Variants in TXLNB observed in about 807,000 individuals in gnomAD.
TXLNB encodes the protein beta-taxilin.
A neutral mutation model predicts 57.4 loss-of-function variants in TXLNB; 37 were observed. That is an observed-to-expected ratio of 0.64 (90% CI 0.50 to 0.85). The LOEUF (loss-of-function observed/expected upper bound fraction) is 0.85. TXLNB is among the 40% of genes least tolerant of loss of function. The pLI is 0.00. For missense variants in TXLNB, 848 were observed against 825.6 expected (o/e 1.03, Z -0.33); for synonymous variants, 302 against 309.6 (o/e 0.98, Z 0.26).
chr6:139,255,117 C>T (rs943512134), intron 7 of TXLNB, among the ~76,000 whole-genome samples: 2 of 152,194 alleles, frequency 1.3e-5, no homozygotes, highest in African/African-American at 4.8e-5. Flanking sequence ...CCACTGCGCC[C>T]GGCCTCATTT....
chr6:139,188,205 A>ACTT, the TXLNB span, among the ~76,000 whole-genome samples: 1 of 152,180 alleles, frequency 6.6e-6, no homozygotes, highest in Non-Finnish European at 1.5e-5. Context: ...GAGTGGCTTT[A>ACTT]CTTTATGTCT....
intron 8 of TXLNB, among the ~76,000 whole-genome samples, chr6:139,247,116 T>C (rs1013202615): frequency 1.3e-5 from 2 of 152,178 alleles, no homozygotes; most frequent in African/African-American, 4.8e-5. Context: ...ATTCTACTTT[T>C]GTATATTCAT....
the TXLNB span, among the ~76,000 whole-genome samples, chr6:139,299,160 T>C: frequency 6.6e-6 from 1 of 152,220 alleles, no homozygotes; most frequent in Admixed American, 6.5e-5. Context: ...TTGTTCCCAT[T>C]GGCTGGCCCC....
chr6:139,264,033 C>T (rs908581901), intron 4 of TXLNB, among the ~76,000 whole-genome samples: 1 of 152,148 alleles, frequency 6.6e-6, no homozygotes, highest in African/African-American at 2.4e-5. Context: ...AATAACAACA[C>T]ATTTCCCAAC....
At chr6:139,190,437 G>T in the TXLNB span, among the ~76,000 whole-genome samples, 2 of 150,764 alleles carry the variant, frequency 1.3e-5, no homozygotes, top group Admixed American at 6.6e-5. Flanking sequence ...AGCCTCCCAA[G>T]TAGCTGGGAC....
At chr6:139,188,807 T>A in the TXLNB span, among the ~76,000 whole-genome samples, 2 of 150,120 alleles carry the variant, frequency 1.3e-5, no homozygotes, top group South Asian at 4.1e-4. Context: ...CAGGCTGGAA[T>A]ACAATGGCAT....
At chr6:139,264,208 T>C (rs1425239479) in intron 4 of TXLNB, among the ~76,000 whole-genome samples, 1 of 152,204 alleles carries the variant, frequency 6.6e-6, no homozygotes, top group East Asian at 1.9e-4. Context: ...ACTTACTATA[T>C]GTGTTTCGCT....
intron 8 of TXLNB, among the ~76,000 whole-genome samples, chr6:139,246,381 A>G (rs1470324010): frequency 6.6e-6 from 1 of 152,208 alleles, no homozygotes; most frequent in Non-Finnish European, 1.5e-5. Context: ...AATATATTTT[A>G]AGAGGATGTT....
At chr6:139,280,729 AC>A (rs1777027615) in intron 2 of TXLNB, among the ~76,000 whole-genome samples, 1 of 152,114 alleles carries the variant, frequency 6.6e-6, no homozygotes, top group Non-Finnish European at 1.5e-5. Context: ...GTACTTGTGT[AC>A]CTCTCTAACC....
chr6:139,308,778 G>A, the TXLNB span, among the ~76,000 whole-genome samples: 6 of 152,208 alleles, frequency 3.9e-5, no homozygotes, highest in Non-Finnish European at 7.3e-5. Context: ...ACTAGGTAAT[G>A]AGTCATGTTA....
upstream of TXLNB, among the ~76,000 whole-genome samples, chr6:139,296,891 G>GCAAA (rs141049341): frequency 9.2e-5 from 14 of 151,942 alleles, no homozygotes; most frequent in East Asian, 7.7e-4. Flanking sequence ...ATCTCTGAAA[G>GCAAA]CAAACAAACA....
the TXLNB span, among the ~76,000 whole-genome samples, chr6:139,188,796 C>T: frequency 6.7e-6 from 1 of 149,984 alleles, no homozygotes; most frequent in Non-Finnish European, 1.5e-5. Context: ...GCTCTGTCGC[C>T]CAGGCTGGAA....
At chr6:139,226,051 C>T in the TXLNB span, among the ~76,000 whole-genome samples, 1 of 152,008 alleles carries the variant, frequency 6.6e-6, no homozygotes, top group Non-Finnish European at 1.5e-5. Flanking sequence ...GTAATCCCAG[C>T]ACTTTGGGAG....
the TXLNB span, among the ~76,000 whole-genome samples, chr6:139,225,579 T>C: frequency 6.6e-6 from 1 of 152,174 alleles, no homozygotes; most frequent in African/African-American, 2.4e-5. Flanking sequence ...TTTTCAATTG[T>C]ATCATAAAAC....
At chr6:139,271,067 G>A (rs147190866) in intron 3 of TXLNB, among the ~76,000 whole-genome samples, 62 of 152,204 alleles carry the variant, frequency 4.1e-4, no homozygotes, top group African/African-American at 1.4e-3. Context: ...AGCTTCTAGC[G>A]CTATTTTTAA....
chr6:139,295,066 C>T (rs1777366594), upstream of TXLNB, among the ~76,000 whole-genome samples: 1 of 152,078 alleles, frequency 6.6e-6, no homozygotes, highest in Non-Finnish European at 1.5e-5. Context: ...AGATGAAAGC[C>T]CTATTCTTTC....
chr6:139,203,390 T>G, the TXLNB span, among the ~76,000 whole-genome samples: 2 of 152,168 alleles, frequency 1.3e-5, no homozygotes, highest in Admixed American at 6.5e-5. Flanking sequence ...CCCTTACCAC[T>G]CGGGGGAAAA....
chr6:139,189,270 A>G, the TXLNB span, among the ~76,000 whole-genome samples: 1,257 of 152,318 alleles, frequency 8.3e-3, 29 homozygotes, highest in Admixed American at 0.047. Context: ...TTCATGTTGC[A>G]TGTTTGGATT....
At chr6:139,224,519 A>T in the TXLNB span, among the ~76,000 whole-genome samples, 328 of 152,104 alleles carry the variant, frequency 2.2e-3, no homozygotes, top group African/African-American at 7.6e-3. Context: ...TGTAATTGAT[A>T]GCGTTCTGAT....
Sources: gnomAD v4.1 joint callset for allele counts (sites outside exome capture counted in the v4.1 genomes callset) on GRCh38, gnomAD v4.1.1 for gene constraint, MANE v1.5 for transcripts, NCBI Gene and HGNC (gene_info 2026-07-23, HGNC 2026-07-21) for gene names.